Variants in PDE1C observed in about 807,000 individuals in gnomAD.
PDE1C encodes phosphodiesterase 1C, also known as dual specificity calcium/calmodulin-dependent 3',5'-cyclic nucleotide phosphodiesterase 1C.
PDE1C carries 62 observed loss-of-function variants against 93.1 expected under a neutral mutation model. The ratio of observed to expected loss-of-function variants is 0.67; its 90% CI spans 0.54 to 0.82. PDE1C has a LOEUF of 0.82. Ranked by LOEUF, PDE1C falls within the 40% of genes least tolerant of loss-of-function variation. The pLI is 0.00. For missense variants in PDE1C, 742 were observed against 884.6 expected (o/e 0.84, Z 2.04); for synonymous variants, 325 against 310.1 (o/e 1.05, Z -0.50).
chr7:31,855,071 A>G (rs1021452283), intron 7 of PDE1C, among the ~76,000 whole-genome samples: 3 of 22,840 alleles, frequency 1.3e-4, no homozygotes, highest in Non-Finnish European at 2.9e-4. Flanking sequence ...CCTCTGTCTA[A>G]AAAAAAAAAA....
chr7:31,899,820 C>T (rs2128917784), intron 2 of PDE1C, among the ~76,000 whole-genome samples: 1 of 152,240 alleles, frequency 6.6e-6, no homozygotes, highest in South Asian at 2.1e-4. Flanking sequence ...CCATTATAGT[C>T]TCATGGTAAG....
At chr7:32,154,054 C>T (rs185977584) in intron 3 of PDE1C, among the ~76,000 whole-genome samples, 59 of 152,260 alleles carry the variant, frequency 3.9e-4, no homozygotes, top group African/African-American at 1.1e-3. Context: ...AGGAGTTTGA[C>T]GCCAGCCTGG....
chr7:32,092,164 TGAGAGAGAGA>T, intron 3 of PDE1C, among the ~76,000 whole-genome samples: 1 of 149,032 alleles, frequency 6.7e-6, no homozygotes, highest in African/African-American at 2.5e-5. Flanking sequence ...CTTTTGTTCA[TGAGAGAGAGA>T]GAGAGAGAGA....
intron 1 of PDE1C, among the ~76,000 whole-genome samples, chr7:32,272,409 G>A (rs553939094): frequency 1.8e-4 from 28 of 152,248 alleles, no homozygotes; most frequent in Non-Finnish European, 3.4e-4. Context: ...AAAAAGTGAC[G>A]TCTCATTGAA....
chr7:32,312,417 T>G (rs1255918594), intron 1 of PDE1C, among the ~76,000 whole-genome samples: 2 of 152,046 alleles, frequency 1.3e-5, no homozygotes, highest in Non-Finnish European at 1.5e-5. Context: ...TTAAAGTTCA[T>G]ATGGAACCAA....
chr7:31,804,472 G>C (rs188596181), intron 16 of PDE1C, among the ~76,000 whole-genome samples: 1 of 151,788 alleles, frequency 6.6e-6, no homozygotes, highest in Admixed American at 6.6e-5. Flanking sequence ...TTTACACACA[G>C]AGGATATTTT....
At chr7:31,639,213 T>G in the PDE1C span, among the ~76,000 whole-genome samples, 1 of 152,226 alleles carries the variant, frequency 6.6e-6, no homozygotes, top group South Asian at 2.1e-4. Context: ...ATTTTTCAGT[T>G]ACCTATACCT....
chr7:31,995,128 A>G (rs1784567606), intron 2 of PDE1C, among the ~76,000 whole-genome samples: 1 of 152,172 alleles, frequency 6.6e-6, no homozygotes, highest in African/African-American at 2.4e-5. Flanking sequence ...TATTTTGGAC[A>G]TTTCTTCTCT....
intron 1 of PDE1C, among the ~76,000 whole-genome samples, chr7:32,336,502 C>A (rs10256050): frequency 0.071 from 10,861 of 152,124 alleles, 1,350 homozygotes; most frequent in African/African-American, 0.25. Flanking sequence ...AATCTTACTA[C>A]AATTGACATG....
At chr7:31,753,733 G>A (rs569753792) in intron 17 of PDE1C, among the ~76,000 whole-genome samples, 180 bp from the exon 18 acceptor site, 5 of 152,242 alleles carry the variant, frequency 3.3e-5, no homozygotes, top group African/African-American at 1.2e-4. Flanking sequence ...TTACCACCTT[G>A]GTCATTCAGT....
At chr7:32,315,856 A>G (rs891337836) in intron 1 of PDE1C, among the ~76,000 whole-genome samples, 1 of 152,136 alleles carries the variant, frequency 6.6e-6, no homozygotes, top group Admixed American at 6.5e-5. Flanking sequence ...TTAGCCGGGC[A>G]TGGTGGTGCA....
At chr7:32,350,586 ATATATTTT>A (rs1278482894) in intron 1 of PDE1C, among the ~76,000 whole-genome samples, 1 of 378 alleles carries the variant, frequency 2.6e-3, no homozygotes, top group African/African-American at 3.2e-3. Flanking sequence ...ATATATATAT[ATATATTTT>A]TTTTTTTTTT....
chr7:31,642,249 G>A, the PDE1C span: 3 of 1,551,520 alleles, frequency 1.9e-6, no homozygotes, highest in Admixed American at 2.0e-5. Context: ...TGGAACCGCT[G>A]CCCCTCCAGG....
At chr7:32,154,192 G>C (rs1032228229) in intron 3 of PDE1C, among the ~76,000 whole-genome samples, 1 of 152,204 alleles carries the variant, frequency 6.6e-6, no homozygotes, top group African/African-American at 2.4e-5. Context: ...CTGGGAGGTT[G>C]AGGCTGCAGT....
intron 1 of PDE1C, among the ~76,000 whole-genome samples, chr7:32,380,576 C>T (rs1784515694): frequency 6.6e-6 from 1 of 151,882 alleles, no homozygotes; most frequent in African/African-American, 2.4e-5. Context: ...CCCAATTGAG[C>T]TTCCATCCTC....
At chr7:31,683,691 A>T in the PDE1C span, among the ~76,000 whole-genome samples, 8 of 152,144 alleles carry the variant, frequency 5.3e-5, no homozygotes, top group Non-Finnish European at 8.8e-5. Context: ...CCCTCCCTGA[A>T]TTGAGAAGGT....
At chr7:32,052,425 G>C (rs2190128) in intron 1 of PDE1C, 95,751 of 446,642 alleles carry the variant, frequency 0.21, 11,274 homozygotes, top group African/African-American at 0.37. Flanking sequence ...ATATCCCAAA[G>C]TTCTTCATAT....
intron 3 of PDE1C, among the ~76,000 whole-genome samples, chr7:32,105,974 T>C (rs556368587): frequency 2.0e-5 from 3 of 152,286 alleles, no homozygotes; most frequent in African/African-American, 7.2e-5. Context: ...TCTCTATCCA[T>C]GTATACAGCT....
chr7:31,637,370 C>A, the PDE1C span, among the ~76,000 whole-genome samples: 7 of 152,220 alleles, frequency 4.6e-5, no homozygotes, highest in African/African-American at 9.6e-5. Context: ...AAAAGTGTTC[C>A]TATTTCTCCA....
Sources: gnomAD v4.1 joint callset for allele counts (sites outside exome capture counted in the v4.1 genomes callset) on GRCh38, gnomAD v4.1.1 for gene constraint, MANE v1.5 for transcripts, NCBI Gene and HGNC (gene_info 2026-07-23, HGNC 2026-07-21) for gene names.